The following MYCL variants were observed in gnomAD, a reference collection of about 807,000 sequenced individuals.
MYCL encodes MYCL proto-oncogene, bHLH transcription factor, also known as protein L-Myc.
In MYCL, 11 loss-of-function variants were observed where a neutral mutation model predicts 31.0. The ratio of observed to expected loss-of-function variants is 0.35; its 90% CI spans 0.22 to 0.59. The LOEUF (loss-of-function observed/expected upper bound fraction) is 0.59, where lower values mean the gene tolerates loss of function less well. Ranked by LOEUF, MYCL falls within the 20% of genes least tolerant of loss-of-function variation. The probability of loss-of-function intolerance (pLI) is 0.79; values close to 1 mark genes in which losing one functional copy is unlikely to be tolerated. For missense variants in MYCL, 427 were observed against 486.1 expected, an observed-to-expected ratio of 0.88 and a Z score of 1.14; for synonymous variants, 208 against 202.4, an observed-to-expected ratio of 1.03 and a Z score of -0.23.
chr1:39,898,899 C>T (rs78775773), intron 1 of MYCL: 13,302 of 985,224 alleles, frequency 0.014, 94 homozygotes, highest in Non-Finnish European at 0.015. Flanking sequence ...AGAAAAGTCT[C>T]CTCCTGCTCC....
chr1:39,901,610 A>G lies in MYCL; in HGVS notation c.-176T>C. 7.1e-7 allele frequency: 1 copy of G among 1,416,332 alleles called. No individual in the cohort carries two copies. The highest frequency in any genetic ancestry group is 9.1e-7 in the Non-Finnish European group (1 of 1,093,816). The allele number at this position is 1,416,332 out of a possible 1,614,324, so 87.7% of individuals were successfully genotyped here. A position where few individuals can be genotyped will look rare whatever the true frequency, so the allele number is the denominator to read the frequency against. On this transcript the variant is annotated 5_prime_UTR_variant, in exon 1 of 2. Transcript: ENST00000372816. This position sits in a 1 kb window ranked among gnomAD's most constrained non-coding sequence, Gnocchi z 6.9. ...CCCGGGAAGCCGGGCCCCGGGTCAG[A>G]GTGGTAGGGGAAGCCAATCGCAGCG...
intron 1 of MYCL, chr1:39,899,076 C>T: frequency 1.0e-6 from 1 of 985,476 alleles, no homozygotes; most frequent in Non-Finnish European, 1.2e-6. Context: ...TAAACCTGAC[C>T]ATTCAGCCCT....
chr1:39,900,418 T>C, intron 1 of MYCL: 1 of 990,128 alleles, frequency 1.0e-6, no homozygotes, highest in Non-Finnish European at 1.2e-6. Context: ...GCACGAGTGG[T>C]AAGTGGTGGT....
At chr1:39,900,002 C>T (rs1644519356) in intron 1 of MYCL, 1 of 985,452 alleles carries the variant, frequency 1.0e-6, no homozygotes. Context: ...CCCCAGTCTG[C>T]CCTCAGCGAG....
rs762974490 is a variant in MYCL, at chr1:39,901,863, G to T, written c.-429C>A. On this transcript the variant is annotated 5_prime_UTR_variant, in exon 1 of 2. In the 5' UTR this introduces an upstream ATG that the reference lacks. Transcript: ENST00000372816. This position sits in a 1 kb window ranked among gnomAD's most constrained non-coding sequence, Gnocchi z 6.9. ...ACCGGCTCCCCGCCGGCTCGGGGCA[G>T]CCCGGCAGCCAGCACACACGCACAT... is the stretch of plus-strand genomic sequence containing the variant. 2.4e-6 allele frequency: 3 copies of T among 1,226,804 alleles called. No individual in the cohort carries two copies. The highest frequency in any genetic ancestry group is 8.1e-5 in the Admixed American group (2 of 24,838). The allele number at this position is 1,226,804 out of a possible 1,614,324, so 76.0% of individuals were successfully genotyped here.
In MYCL at chr1:39,898,017, CACAA is replaced by C. The variant is rs1263499769; in HGVS notation, c.497-51_497-48del. The C allele has an allele frequency of 4.4e-6, 7 of 1,583,334 alleles. No individual in the cohort carries two copies. The East Asian group carries it at 6.7e-5, about 15-fold the overall frequency. ...GAGAAGAAACACATCCCATGAGAAACACAAACATAGACCCTACAGCTTTAGCTGT... is the reference window on the plus strand; with the variant it reads ...GAGAAGAAACACATCCCATGAGAAACACATAGACCCTACAGCTTTAGCTGT... On this transcript the variant is annotated intron_variant, in intron 1 of 1. Coordinates refer to ENST00000372816, the MANE Select transcript of MYCL (RefSeq NM_001033081.3).
rs1644476267 is a variant in MYCL at position 39,895,707 on chromosome 1, C to T, written c.*1665G>A. 1 of 227,674 alleles carries T rather than the reference C, an allele frequency of 4.4e-6. No individual in the cohort carries two copies. Among genetic ancestry groups the T allele is most frequent in the Non-Finnish European group, 8.7e-6 (1 of 114,660 alleles). The allele number at this position is 227,674 out of a possible 1,614,324, so 14.1% of individuals were successfully genotyped here. On this transcript the variant is annotated 3_prime_UTR_variant, in exon 2 of 2. Transcript: ENST00000372816. Reference sequence around the variant, plus strand: ...AACACAAGCTATTCAGTTGAGACATCAGTAACCTACACCCAAACTGTCCTC... The same window carrying T: ...AACACAAGCTATTCAGTTGAGACATTAGTAACCTACACCCAAACTGTCCTC...
chr1:39,897,795 G>C lies in MYCL; in HGVS notation c.672C>G (p.Ser224=). The change falls in exon 2 of 2, where the codon TCC becomes TCG. Residue 224 remains serine, a synonymous_variant. Transcript: ENST00000372816. This position sits in a 1 kb window ranked among gnomAD's most constrained non-coding sequence, Gnocchi z 4.3. ...YAARFPPESC[S]QEEASERGPQ... ...GACCCCTCTCTGAAGCCTCTTCTTG[G>C]GAGCAGCTTTCTGGAGGAAAACGGG... 6.2e-7 allele frequency: 1 copy of C among 1,614,118 alleles called. No individual in the cohort carries two copies. Among genetic ancestry groups the C allele is most frequent in the Non-Finnish European group, 8.5e-7 (1 of 1,180,028 alleles).
intron 1 of MYCL, among the ~76,000 whole-genome samples, chr1:39,898,316 G>C (rs1425101357): frequency 6.6e-6 from 1 of 152,212 alleles, no homozygotes; most frequent in African/African-American, 2.4e-5. Context: ...TACCGGCCTG[G>C]GACAAAGTTT....
chr1:39,897,676 G>C lies in MYCL; in HGVS notation c.791C>G (p.Ala264Gly), dbSNP rs1353394306. 1 of 1,614,216 alleles carries C rather than the reference G, an allele frequency of 6.2e-7. No individual in the cohort carries two copies. The change falls in exon 2 of 2, where the codon GCT becomes GGT. Residue 264 changes from alanine (A) to glycine (G), a missense_variant. Coordinates refer to ENST00000372816, the MANE Select transcript of MYCL (RefSeq NM_001033081.3). This position sits in a 1 kb window ranked among gnomAD's most constrained non-coding sequence, Gnocchi z 4.3. ...IVSPPPVESEAAQSCHPKPVS... is the reference protein window; with the variant it reads ...IVSPPPVESEGAQSCHPKPVS... ...AGGTTTGGGGTGGCAGGACTGGGCA[G>C]CCTCACTTTCTACAGGTGGGGGACT...
Position 39,896,270 on chromosome 1 carries a change from G to T in MYCL, c.*1102C>A. ...ATTCTGGGAAAGATATCTGATTCAT[G>T]GCAGGCTGGAAGGGGCCCAAGGGTG... On this transcript the variant is annotated 3_prime_UTR_variant, in exon 2 of 2. Coordinates refer to ENST00000372816, the MANE Select transcript of MYCL (RefSeq NM_001033081.3). The T allele has an allele frequency of 5.1e-6, 1 of 197,402 alleles. No homozygotes were observed. The highest frequency in any genetic ancestry group is 1.9e-4 in the South Asian group (1 of 5,202). 12.2% of individuals were successfully genotyped at this position (197,402 alleles called of 1,614,324 possible).
rs1644486741 is a variant in MYCL at position 39,896,797 on chromosome 1, T to C, written c.*575A>G. 2 of 205,458 alleles carry C rather than the reference T, an allele frequency of 9.7e-6. No homozygotes were observed. Among genetic ancestry groups the C allele is most frequent in the East Asian group, 1.5e-4 (2 of 13,480 alleles). The allele number at this position is 205,458 out of a possible 1,614,324, so 12.7% of individuals were successfully genotyped here. On this transcript the variant is annotated 3_prime_UTR_variant, in exon 2 of 2. Transcript: ENST00000372816. ...CAGCTAACATCATAATATATAAAGGTTTCCAACTCCTTGGCTACTGTAAAG... is the reference window on the plus strand; with the variant it reads ...CAGCTAACATCATAATATATAAAGGCTTCCAACTCCTTGGCTACTGTAAAG...
chr1:39,901,447 C>T lies in MYCL; in HGVS notation c.-13G>A, dbSNP rs2124721048. 3 of 1,607,260 alleles carry T rather than the reference C, an allele frequency of 1.9e-6. No homozygotes were observed. Among genetic ancestry groups the T allele is most frequent in the Non-Finnish European group, 2.5e-6 (3 of 1,179,076 alleles). ...AGTCGTAGTCCATGTCCGCTCCCTG[C>T]GGGAGGGAAGGGGGGACGTGCTGAC... On this transcript the variant is annotated 5_prime_UTR_variant, in exon 1 of 2. Coordinates refer to ENST00000372816, the MANE Select transcript of MYCL (RefSeq NM_001033081.3). This position sits in a 1 kb window ranked among gnomAD's most constrained non-coding sequence, Gnocchi z 6.9.
chr1:39,899,166 G>A (rs1644510966), intron 1 of MYCL: 1 of 769,164 alleles, frequency 1.3e-6, no homozygotes, highest in South Asian at 5.9e-5. Flanking sequence ...CCTATTGGGT[G>A]AGCTCTGCTG....
At chr1:39,900,873 G>C in intron 1 of MYCL, 66 bp downstream of exon 1, 5 of 1,512,228 alleles carry the variant, frequency 3.3e-6, no homozygotes, top group Non-Finnish European at 4.4e-6. Context: ...CCTGACCTCA[G>C]GCAGGGGCAG....
chr1:39,901,542 T>C lies in MYCL; in HGVS notation c.-108A>G, dbSNP rs1396840160. On this transcript the variant is annotated 5_prime_UTR_variant, in exon 1 of 2. Coordinates refer to ENST00000372816, the MANE Select transcript of MYCL (RefSeq NM_001033081.3). The surrounding 1 kb of genome is among the most constrained non-coding windows in gnomAD (Gnocchi z 6.9). ...CAGTCGGCTGCCGGGCTCTCGTTCC[T>C]CCCCAACCCCACCAGCTTGCAGCCT... 17 of 1,488,062 alleles carry C rather than the reference T, an allele frequency of 1.1e-5. No individual in the cohort carries two copies. The highest frequency in any genetic ancestry group is 1.4e-5 in the Non-Finnish European group (16 of 1,130,708). 92.2% of individuals were successfully genotyped at this position (1,488,062 alleles called of 1,614,324 possible). A position where few individuals can be genotyped will look rare whatever the true frequency, so the allele number is the denominator to read the frequency against.
At position 39,901,823 on chromosome 1, in the gene MYCL, C is replaced by T; in HGVS notation, c.-389G>A. 7.8e-7 allele frequency: 1 copy of T among 1,277,992 alleles called. No homozygotes were observed. Among genetic ancestry groups the T allele is most frequent in the Non-Finnish European group, 1.0e-6 (1 of 1,000,958 alleles). 79.2% of individuals were successfully genotyped at this position (1,277,992 alleles called of 1,614,324 possible). On this transcript the variant is annotated 5_prime_UTR_variant, in exon 1 of 2. Coordinates refer to ENST00000372816, the MANE Select transcript of MYCL (RefSeq NM_001033081.3). The surrounding 1 kb of genome is among the most constrained non-coding windows in gnomAD (Gnocchi z 6.9). ...GCAGCCTCACCTCGCTCCAGCCGCCCGCCACCTGGAGCGGACCGGCTCCCC... is the reference window on the plus strand; with the variant it reads ...GCAGCCTCACCTCGCTCCAGCCGCCTGCCACCTGGAGCGGACCGGCTCCCC...
rs1644486953 is a variant in MYCL at position 39,896,834 on chromosome 1, G to A, written c.*538C>T. 5.0e-6 allele frequency: 1 copy of A among 199,228 alleles called. No homozygotes were observed. The highest frequency in any genetic ancestry group is 5.9e-5 in the Admixed American group (1 of 17,054). 12.3% of individuals were successfully genotyped at this position (199,228 alleles called of 1,614,324 possible). A position where few individuals can be genotyped will look rare whatever the true frequency, so the allele number is the denominator to read the frequency against. On this transcript the variant is annotated 3_prime_UTR_variant, in exon 2 of 2. Coordinates refer to ENST00000372816, the MANE Select transcript of MYCL (RefSeq NM_001033081.3). ...TGGCTACTGTAAAGTGTCTGACAGT[G>A]AGGTAATGGTCAATGTTGATCAAGT...
At position 39,901,858 on chromosome 1, in the gene MYCL, G is replaced by A; in HGVS notation, c.-424C>T. 8.1e-7 allele frequency: 1 copy of A among 1,239,138 alleles called. No homozygotes were observed. The highest frequency in any genetic ancestry group is 1.0e-6 in the Non-Finnish European group (1 of 982,968). 76.8% of individuals were successfully genotyped at this position (1,239,138 alleles called of 1,614,324 possible). A position where few individuals can be genotyped will look rare whatever the true frequency, so the allele number is the denominator to read the frequency against. On this transcript the variant is annotated 5_prime_UTR_variant, in exon 1 of 2. Coordinates refer to ENST00000372816, the MANE Select transcript of MYCL (RefSeq NM_001033081.3). The surrounding 1 kb of genome is among the most constrained non-coding windows in gnomAD (Gnocchi z 6.9). ...AGCGGACCGGCTCCCCGCCGGCTCG[G>A]GGCAGCCCGGCAGCCAGCACACACG... is the stretch of plus-strand genomic sequence containing the variant.
Sources: gnomAD v4.1 joint callset for allele counts (sites outside exome capture counted in the v4.1 genomes callset) on GRCh38, gnomAD v4.1.1 for gene constraint, Gnocchi (gnomAD v3.1) non-coding constraint, MANE v1.5 for transcripts, NCBI Gene and HGNC (gene_info 2026-07-23, HGNC 2026-07-21) for gene names.